The following GNB1L variants were observed in gnomAD, a reference collection of about 807,000 sequenced individuals.
GNB1L encodes the protein guanine nucleotide-binding protein subunit beta-like protein 1.
GNB1L carries 20 observed loss-of-function variants against 29.1 expected under a neutral mutation model. That is an observed-to-expected ratio of 0.69 (90% CI 0.48 to 1.00). The LOEUF (loss-of-function observed/expected upper bound fraction) is 1.00, where lower values mean the gene tolerates loss of function less well. Among genes scored for constraint, GNB1L ranks in the 50% least tolerant of loss-of-function variants. GNB1L has a pLI of 0.00. For missense variants in GNB1L, 421 were observed against 464.9 expected, an observed-to-expected ratio of 0.91 and a Z score of 0.87; for synonymous variants, 193 against 206.5, an observed-to-expected ratio of 0.93 and a Z score of 0.56.
At chr22:19,841,682 T>C (rs1332063104) in intron 2 of GNB1L, among the ~76,000 whole-genome samples, 1 of 152,210 alleles carries the variant, frequency 6.6e-6, no homozygotes, top group African/African-American at 2.4e-5. Context: ...TTTACACGCT[T>C]TTCCCATTCC....
At chr22:19,814,630 G>A (rs1014928684) in intron 4 of GNB1L, among the ~76,000 whole-genome samples, 1 of 152,236 alleles carries the variant, frequency 6.6e-6, no homozygotes, top group African/African-American at 2.4e-5. Context: ...ACTCCGGGAT[G>A]ACAGGATGAG....
intron 2 of GNB1L, among the ~76,000 whole-genome samples, chr22:19,836,183 GA>G (rs145903530): frequency 0.015 from 2,272 of 152,098 alleles, 62 homozygotes; most frequent in African/African-American, 0.052. Flanking sequence ...AAAAAGAGAA[GA>G]GACAAATTAT....
intron 2 of GNB1L, among the ~76,000 whole-genome samples, chr22:19,838,113 C>A (rs750002306): frequency 6.6e-6 from 1 of 152,332 alleles, no homozygotes; most frequent in Non-Finnish European, 1.5e-5. Flanking sequence ...TTATTGCATA[C>A]GCAATTTAAT....
At chr22:19,789,608 A>G (rs1937229665) in intron 7 of GNB1L, among the ~76,000 whole-genome samples, 1 of 151,996 alleles carries the variant, frequency 6.6e-6, no homozygotes, top group African/African-American at 2.4e-5. Context: ...GAGAGGGGGT[A>G]GGGCACTGCA....
intron 2 of GNB1L, among the ~76,000 whole-genome samples, chr22:19,839,055 C>T (rs1011293159): frequency 1.3e-5 from 2 of 152,122 alleles, no homozygotes; most frequent in Non-Finnish European, 2.9e-5. Context: ...AAAGGCTACA[C>T]ACTATTTATA....
intron 2 of GNB1L, chr22:19,852,276 G>C (rs1235663681): frequency 1.9e-6 from 3 of 1,584,342 alleles, no homozygotes; most frequent in Middle Eastern, 1.7e-4. Context: ...GGAGCACAGG[G>C]GAGAAGAGAG....
intron 2 of GNB1L, among the ~76,000 whole-genome samples, chr22:19,845,563 G>T (rs1937942591): frequency 6.6e-6 from 1 of 152,240 alleles, no homozygotes; most frequent in Non-Finnish European, 1.5e-5. Flanking sequence ...ACAGGCCCCA[G>T]CCCTGTGCTG....
chr22:19,847,494 C>T lies in GNB1L; in HGVS notation c.-21+6949G>A, dbSNP rs1176266829. 3 of 985,294 alleles carry T rather than the reference C, an allele frequency of 3.0e-6. No homozygotes were observed. The African/African-American group carries it at 5.2e-5, about 17-fold the overall frequency. 61.0% of individuals were successfully genotyped at this position (985,294 alleles called of 1,614,324 possible). ...ATTCTCATTCAACCCTTCTAACCAC[C>T]CCATGAGGAAAAACTCTGGTCACAG... On this transcript the variant is annotated intron_variant, in intron 2 of 7. Transcript: ENST00000329517.
chr22:19,825,249 T>G (rs1302225567), intron 2 of GNB1L, among the ~76,000 whole-genome samples: 7 of 151,772 alleles, frequency 4.6e-5, no homozygotes, highest in Non-Finnish European at 8.8e-5. Flanking sequence ...GACTGAAGAC[T>G]AGGTCAGCAC....
chr22:19,825,203 G>A (rs12170942), intron 2 of GNB1L, among the ~76,000 whole-genome samples: 129 of 152,244 alleles, frequency 8.5e-4, no homozygotes, highest in Admixed American at 1.5e-3. Context: ...ACTAGCTCCA[G>A]CATCCCCCGA....
At chr22:19,810,219 G>A (rs1937483203) in intron 5 of GNB1L, among the ~76,000 whole-genome samples, 1 of 152,178 alleles carries the variant, frequency 6.6e-6, no homozygotes, top group Non-Finnish European at 1.5e-5. Flanking sequence ...GGGGAGGGCT[G>A]CGGAGGAGGC....
At chr22:19,818,611 G>A (rs182633038) in intron 4 of GNB1L, among the ~76,000 whole-genome samples, 1 of 152,220 alleles carries the variant, frequency 6.6e-6, no homozygotes, top group Non-Finnish European at 1.5e-5. Context: ...TTGCAGACTG[G>A]TGGGGGCCAG....
chr22:19,849,284 T>C, intron 2 of GNB1L: 2 of 983,040 alleles, frequency 2.0e-6, no homozygotes, highest in Non-Finnish European at 2.4e-6. Context: ...CATAAAACCA[T>C]CTGAACCCAG....
intron 7 of GNB1L, chr22:19,792,442 A>C: frequency 6.4e-7 from 1 of 1,574,250 alleles, no homozygotes; most frequent in Non-Finnish European, 8.6e-7. Flanking sequence ...CCCAAAAGAG[A>C]CCTCACCCAC....
chr22:19,849,437 C>T lies in GNB1L; in HGVS notation c.-21+5006G>A, dbSNP rs537880895. On this transcript the variant is annotated intron_variant, in intron 2 of 7. Transcript: ENST00000329517. The stretch of plus-strand genomic sequence containing the variant: ...AGGCTGGAGTGCAATGGCGTGATCT[C>T]GGCTCACCACACCCTCTGCCTCCTG... 1.9e-4 allele frequency: 73 copies of T among 379,762 alleles called. 1 individual carries two copies. In the South Asian group the frequency reaches 6.5e-3, roughly 34 times the overall value. 23.5% of individuals were successfully genotyped at this position (379,762 alleles called of 1,614,324 possible). A position where few individuals can be genotyped will look rare whatever the true frequency, so the allele number is the denominator to read the frequency against.
chr22:19,846,572 G>T, intron 2 of GNB1L: 1 of 985,114 alleles, frequency 1.0e-6, no homozygotes. Flanking sequence ...CGCGGGCACC[G>T]CTGTGGGCAG....
rs1364098952 is a variant in GNB1L at position 19,850,823 on chromosome 22, G to A, written c.-21+3620C>T. On this transcript the variant is annotated intron_variant, in intron 2 of 7. Coordinates refer to ENST00000329517, the MANE Select transcript of GNB1L (RefSeq NM_053004.3). The stretch of plus-strand genomic sequence containing the variant: ...AAGACACCAAGGGGGGTGTTTTATG[G>A]GGGTGGAGGTGACAAAGATGATGCA... The A allele has an allele frequency of 3.9e-6, 5 of 1,295,424 alleles. No individual in the cohort carries two copies. In the East Asian group the frequency reaches 1.1e-4, roughly 30 times the overall value. The allele number at this position is 1,295,424 out of a possible 1,614,324, so 80.2% of individuals were successfully genotyped here.
chr22:19,806,524 G>C (rs553035501), intron 6 of GNB1L, 135 bp downstream of exon 6: 2 of 617,446 alleles, frequency 3.2e-6, no homozygotes, highest in African/African-American at 3.7e-5. Context: ...CACTGAGGCA[G>C]CTGCACAGGT....
At chr22:19,832,823 C>T (rs1242840961) in intron 2 of GNB1L, among the ~76,000 whole-genome samples, 1 of 152,172 alleles carries the variant, frequency 6.6e-6, no homozygotes, top group African/African-American at 2.4e-5. Context: ...AAGCCTCAAG[C>T]TCACCCCTGA....
Sources: allele counts gnomAD v4.1 joint callset (sites outside exome capture counted in the v4.1 genomes callset), GRCh38; gene constraint gnomAD v4.1.1; transcripts MANE v1.5; gene names NCBI Gene and HGNC (gene_info 2026-07-23, HGNC 2026-07-21).